The following F8 variants were observed in gnomAD, a reference collection of about 807,000 sequenced individuals.
The protein encoded by F8 is antihemophilic factor.
Under a neutral mutation model 140.6 loss-of-function variants are expected in F8, and 12 were observed. The ratio of observed to expected loss-of-function variants is 0.09; its 90% CI spans 0.05 to 0.14. The LOEUF (loss-of-function observed/expected upper bound fraction) is 0.14, where lower values mean the gene tolerates loss of function less well. Among genes scored for constraint, F8 ranks in the 10% least tolerant of loss-of-function variants. F8 has a pLI of 1.00. For synonymous variants in F8, 585 were observed against 614.6 expected (o/e 0.95, Z 0.71); for missense variants, 1,354 against 1,720.7 (o/e 0.79, Z 3.77).
At chrX:154,972,695 C>A (rs868916362) in intron 6 of F8, among the ~76,000 whole-genome samples, 1 of 80,186 alleles carries the variant, frequency 1.2e-5, no homozygotes, top group African/African-American at 4.9e-5. Context: ...CTTTTCTTTT[C>A]TTTCTGTCTT....
At chrX:154,900,039 AT>A (rs2073001936) in intron 20 of F8, 88 bp from the exon 21 acceptor site, 1 of 822,876 alleles carries the variant, frequency 1.2e-6, no homozygotes, top group Non-Finnish European at 1.8e-6. Flanking sequence ...AGAAAGGTTA[AT>A]CTAAGCTGTG....
At chrX:154,935,488 A>C (rs1557279146) in intron 13 of F8, among the ~76,000 whole-genome samples, 1 of 111,995 alleles carries the variant, frequency 8.9e-6, no homozygotes, top group Non-Finnish European at 1.9e-5. Context: ...CATGCAAAAA[A>C]TAAAAAAGAG....
chrX:154,856,240 A>C lies in F8; in HGVS notation c.6900+4192T>G, dbSNP rs188775024. Among the ~76,000 whole-genome samples the C allele has an allele frequency of 2.5e-3, 278 of 112,806 alleles. 10 individuals carry two copies. The South Asian group carries it at 0.056, about 23-fold the overall frequency. On this transcript the variant is annotated intron_variant, in intron 25 of 25. Transcript: ENST00000360256. ...GATCTCACTATTACTTTGAGGAATA[A>C]ATTTGTGAGGGGAACCTCAGCATCC...
intron 22 of F8, chrX:154,887,678 T>TA: frequency 1.7e-6 from 1 of 575,708 alleles, no homozygotes; most frequent in Non-Finnish European, 2.5e-6. Context: ...AATTATTTCG[T>TA]TGGCTGAACG....
Position 154,876,230 on chromosome X carries a change from T to C in F8, c.6430-13003A>G, listed in dbSNP as rs28694122. ...CGCCTCCCGGGTTCACGCCATTCTCTTGCCTCAGCCTCCCGAGTAGCTGGG... is the reference window on the plus strand; with the variant it reads ...CGCCTCCCGGGTTCACGCCATTCTCCTGCCTCAGCCTCCCGAGTAGCTGGG... On this transcript the variant is annotated intron_variant, in intron 22 of 25. Transcript: ENST00000360256. Among the ~76,000 whole-genome samples, 852 of 107,358 alleles carry C rather than the reference T, an allele frequency of 7.9e-3. 11 individuals carry two copies. The highest frequency in any genetic ancestry group is 0.024 in the African/African-American group (701 of 28,872). 93.2% of individuals were successfully genotyped at this position (107,358 alleles called of 115,157 possible). A position where few individuals can be genotyped will look rare whatever the true frequency, so the allele number is the denominator to read the frequency against.
intron 1 of F8, among the ~76,000 whole-genome samples, chrX:155,018,977 T>C (rs1483176336): frequency 8.9e-6 from 1 of 112,313 alleles, no homozygotes; most frequent in Non-Finnish European, 1.9e-5. Flanking sequence ...GTAGGTTGAG[T>C]AGTGAAAATC....
intron 25 of F8, among the ~76,000 whole-genome samples, chrX:154,843,181 A>C (rs1364886433): frequency 1.8e-5 from 2 of 111,578 alleles, no homozygotes; most frequent in Non-Finnish European, 3.8e-5. Flanking sequence ...CATTTTCTTA[A>C]TCCAGTCTAT....
intron 25 of F8, among the ~76,000 whole-genome samples, chrX:154,838,952 A>T (rs1170578402): frequency 6.8e-5 from 3 of 44,005 alleles, no homozygotes; most frequent in Non-Finnish European, 1.2e-4. Flanking sequence ...CCCCCAAGAG[A>T]TGCCAATTTA....
intron 5 of F8, among the ~76,000 whole-genome samples, chrX:154,985,208 G>A (rs1172901744): frequency 8.9e-6 from 1 of 111,766 alleles, no homozygotes. Context: ...GGCTGAGGCA[G>A]GTGGATCACT....
At chrX:155,007,593 G>A (rs1047917103) in intron 1 of F8, among the ~76,000 whole-genome samples, 37 of 112,222 alleles carry the variant, frequency 3.3e-4, no homozygotes, top group African/African-American at 1.1e-3. Context: ...TATTTACAGC[G>A]GCTCCCCATC....
Position 154,997,112 on chromosome X carries a change from T to C in F8, c.266-17A>G. 7 of 1,211,104 alleles carry C rather than the reference T, an allele frequency of 5.8e-6. No homozygotes were observed. Among genetic ancestry groups the C allele is most frequent in the Non-Finnish European group, 7.8e-6 (7 of 894,910 alleles). On this transcript the variant is annotated splice_polypyrimidine_tract_variant and intron_variant, in intron 2 of 25. Coordinates refer to ENST00000360256, the MANE Select transcript of F8 (RefSeq NM_000132.4). ...CTAGCAGACCTGTAAGAATGAGATG[T>C]CCGCCAAAGGTTACTTGGGGATAGT...
rs782026346 is a variant in F8 at position 154,944,378 on chromosome X, A to T, written c.2113+3320T>A. ...GGCGAAGGACATGAACAGACACTTCACAAAAGAAGACATTTATGCAGCCAA... is the reference window on the plus strand; with the variant it reads ...GGCGAAGGACATGAACAGACACTTCTCAAAAGAAGACATTTATGCAGCCAA... On this transcript the variant is annotated intron_variant, in intron 13 of 25. Transcript: ENST00000360256. Among the ~76,000 whole-genome samples the T allele has an allele frequency of 4.8e-3, 529 of 110,525 alleles. 7 individuals are homozygous for T. The highest frequency in any genetic ancestry group is 0.017 in the African/African-American group (503 of 30,185).
chrX:154,912,990 C>T (rs1375615387), intron 14 of F8, among the ~76,000 whole-genome samples: 2 of 110,673 alleles, frequency 1.8e-5, no homozygotes, highest in African/African-American at 6.6e-5. Context: ...TACTGGGTCC[C>T]TCCCATGACA....
chrX:154,912,832 C>T (rs1483080643), intron 14 of F8, among the ~76,000 whole-genome samples: 1 of 111,559 alleles, frequency 9.0e-6, no homozygotes, highest in African/African-American at 3.3e-5. Flanking sequence ...GAAGGGGAAG[C>T]AAGGCACCTT....
chrX:154,915,600 T>C (rs2073091806), intron 14 of F8, among the ~76,000 whole-genome samples: 1 of 111,988 alleles, frequency 8.9e-6, no homozygotes. Flanking sequence ...AAAATGCTTT[T>C]ATGATTTCTC....
intron 7 of F8, 32 bp from the exon 8 acceptor site, chrX:154,966,719 T>G (rs782162063): frequency 3.3e-6 from 4 of 1,203,585 alleles, no homozygotes; most frequent in Non-Finnish European, 4.5e-6. Context: ...AATGTCAGAG[T>G]GTCTTGCTAT....
At chrX:155,004,599 T>C (rs782722045) in intron 1 of F8, among the ~76,000 whole-genome samples, 4 of 112,321 alleles carry the variant, frequency 3.6e-5, no homozygotes, top group Non-Finnish European at 7.5e-5. Flanking sequence ...ATGTTGTTAA[T>C]GTTCAACTTG....
At chrX:154,839,989 T>C (rs1188894102) in intron 25 of F8, among the ~76,000 whole-genome samples, 1 of 112,532 alleles carries the variant, frequency 8.9e-6, no homozygotes, top group African/African-American at 3.2e-5. Context: ...ATTTGGAGGC[T>C]TTGTACATCT....
chrX:154,911,235 T>C (rs2073065746), intron 14 of F8, among the ~76,000 whole-genome samples: 1 of 108,158 alleles, frequency 9.2e-6, no homozygotes, highest in Admixed American at 9.7e-5. Flanking sequence ...CTTATTTCTT[T>C]TCTCAGTCTC....
Sources: allele counts gnomAD v4.1 joint callset (sites outside exome capture counted in the v4.1 genomes callset), GRCh38; gene constraint gnomAD v4.1.1; transcripts MANE v1.5; gene names NCBI Gene and HGNC (gene_info 2026-07-23, HGNC 2026-07-21).